Variants in ANO6 observed in about 807,000 individuals in gnomAD.
The protein encoded by ANO6 is anoctamin-6.
In ANO6, 106 loss-of-function variants were observed where a neutral mutation model predicts 117.5. The observed-to-expected ratio is 0.90, with a 90% CI of 0.77 to 1.06. The LOEUF is 1.06. Among genes scored for constraint, ANO6 ranks in the 50% least tolerant of loss-of-function variants. The pLI is 0.00. For missense variants in ANO6, 955 were observed against 1,121.1 expected, an observed-to-expected ratio of 0.85 and a Z score of 2.12; for synonymous variants, 367 against 385.1, an observed-to-expected ratio of 0.95 and a Z score of 0.55.
At chr12:45,267,883 A>G (rs1258453376) in intron 1 of ANO6, among the ~76,000 whole-genome samples, 8 of 152,344 alleles carry the variant, frequency 5.3e-5, no homozygotes, top group African/African-American at 1.4e-4. Flanking sequence ...TTTAGTGCCT[A>G]TTATTAAAAG....
At chr12:45,369,935 A>G in intron 9 of ANO6, among the ~76,000 whole-genome samples, 1 of 152,222 alleles carries the variant, frequency 6.6e-6, no homozygotes, top group Middle Eastern at 3.2e-3. Flanking sequence ...TTTAGTTATA[A>G]AATTTTGACT....
At position 45,350,664 on chromosome 12, in the gene ANO6, AT is replaced by A; in HGVS notation, c.755del (p.Phe252SerfsTer64). The stretch of plus-strand genomic sequence containing the variant: ...TGTTCCCTTCTGCGTCACAGTGCAA[AT>A]TCCGCCGTCAGTCAGAGGATCCCAG... ...KAAFPLHDCK[F>X]RRQSEDPSCP... On this transcript the variant is annotated frameshift_variant, in exon 7 of 20. Transcript: ENST00000320560. LOFTEE classifies it high-confidence loss of function. 1 of 1,613,576 alleles carries A rather than the reference AT, an allele frequency of 6.2e-7. No individual in the cohort carries two copies. Among genetic ancestry groups the A allele is most frequent in the South Asian group, 1.1e-5 (1 of 91,022 alleles).
chr12:45,228,340 A>G (rs1280490724), intron 1 of ANO6: 1 of 217,628 alleles, frequency 4.6e-6, no homozygotes, highest in East Asian at 1.6e-4. Flanking sequence ...TGGTCTCACT[A>G]TGTTGCCCAG....
chr12:45,269,050 G>T (rs918520605), intron 1 of ANO6, among the ~76,000 whole-genome samples: 3 of 152,126 alleles, frequency 2.0e-5, no homozygotes, highest in African/African-American at 7.2e-5. Context: ...AGCTAACAGC[G>T]GCAGCCTTGA....
At chr12:45,293,504 TTA>T (rs1939174575) in intron 1 of ANO6, among the ~76,000 whole-genome samples, 1 of 150,852 alleles carries the variant, frequency 6.6e-6, no homozygotes, top group East Asian at 2.0e-4. Context: ...AAATCACTCT[TTA>T]AAAAAAAAAA....
chr12:45,323,955 G>A (rs1350191812), intron 2 of ANO6, among the ~76,000 whole-genome samples: 1 of 23,094 alleles, frequency 4.3e-5, no homozygotes, highest in Non-Finnish European at 1.1e-4. Context: ...TTTTTTTTTT[G>A]AGACAGAATT....
intron 1 of ANO6, among the ~76,000 whole-genome samples, chr12:45,240,280 GCTTT>G (rs1373122153): frequency 6.7e-6 from 1 of 149,882 alleles, no homozygotes. Context: ...TTATGTAATG[GCTTT>G]CTTTGTCTCT....
intron 10 of ANO6, among the ~76,000 whole-genome samples, chr12:45,381,014 G>A (rs1942154954): frequency 6.6e-6 from 1 of 152,072 alleles, no homozygotes; most frequent in African/African-American, 2.4e-5. Flanking sequence ...TAACTTCTCT[G>A]CCTCTGTGGG....
At chr12:45,367,541 T>C in intron 8 of ANO6, 147 bp from the exon 9 acceptor site, 2 of 633,918 alleles carry the variant, frequency 3.2e-6, no homozygotes, top group East Asian at 2.8e-5. Context: ...ATGAATTTTA[T>C]GTAACAAAGT....
chr12:45,218,153 C>G (rs909239289), intron 1 of ANO6, among the ~76,000 whole-genome samples: 7 of 152,084 alleles, frequency 4.6e-5, no homozygotes, highest in African/African-American at 1.4e-4. Flanking sequence ...CTCCTCCCCA[C>G]CCTCTAGAAA....
chr12:45,355,408 A>G (rs1407998772), intron 7 of ANO6, among the ~76,000 whole-genome samples: 1 of 152,152 alleles, frequency 6.6e-6, no homozygotes, highest in East Asian at 1.9e-4. Context: ...AACCAAGCAG[A>G]GACTGCCTGA....
intron 9 of ANO6, among the ~76,000 whole-genome samples, chr12:45,372,088 A>C (rs1941857881): frequency 6.6e-6 from 1 of 152,296 alleles, no homozygotes; most frequent in Admixed American, 6.5e-5. Flanking sequence ...AGCTGATGCG[A>C]TCAACTGGAA....
At chr12:45,272,186 G>GT (rs5797936) in intron 1 of ANO6, among the ~76,000 whole-genome samples, 125,833 of 148,884 alleles carry the variant, frequency 0.85, 54,163 homozygotes, top group Non-Finnish European at 0.93. Context: ...ACCTTTTTGG[G>GT]TTTTTTTTTC....
chr12:45,238,365 G>C (rs1345801627), intron 1 of ANO6, among the ~76,000 whole-genome samples: 1 of 151,920 alleles, frequency 6.6e-6, no homozygotes, highest in Non-Finnish European at 1.5e-5. Flanking sequence ...TGGCCAGGCT[G>C]GTCTCGAACT....
rs559415253 is a variant in ANO6 at position 45,291,277 on chromosome 12, C to T, written c.71-10737C>T. On this transcript the variant is annotated intron_variant, in intron 1 of 19. Transcript: ENST00000320560. ...AGGAAAATCGCTTGAATCCAGGAGGCGGAGGTTGCGGTGAGCCAAGATCGC... is the reference window on the plus strand; with the variant it reads ...AGGAAAATCGCTTGAATCCAGGAGGTGGAGGTTGCGGTGAGCCAAGATCGC... Among the ~76,000 whole-genome samples the T allele has an allele frequency of 8.0e-5, 11 of 138,080 alleles. No homozygotes were observed. The South Asian group carries it at 1.7e-3, about 21-fold the overall frequency. 90.6% of individuals were successfully genotyped at this position (138,080 alleles called of 152,430 possible).
chr12:45,276,755 G>A (rs2137245333), intron 1 of ANO6, among the ~76,000 whole-genome samples: 1 of 152,288 alleles, frequency 6.6e-6, no homozygotes, highest in South Asian at 2.1e-4. Context: ...TCTAGCACGT[G>A]CCTGGCATAT....
intron 1 of ANO6, among the ~76,000 whole-genome samples, chr12:45,233,475 GTAT>G (rs1947603970): frequency 6.6e-6 from 1 of 152,060 alleles, no homozygotes; most frequent in South Asian, 2.1e-4. Context: ...TAATATATCT[GTAT>G]TATTGTTATA....
intron 19 of ANO6, 86 bp downstream of exon 19, chr12:45,423,148 G>T (rs1411982375): frequency 1.0e-6 from 1 of 965,580 alleles, no homozygotes; most frequent in African/African-American, 1.6e-5. Context: ...TACTTAACAT[G>T]TGTGATACTT....
At chr12:45,390,634 A>G (rs1942423225) in intron 12 of ANO6, 136 bp downstream of exon 12, 5 of 777,674 alleles carry the variant, frequency 6.4e-6, no homozygotes, top group Non-Finnish European at 1.1e-5. Flanking sequence ...AGAGACAGAC[A>G]GATATTTCCA....
Sources: allele counts gnomAD v4.1 joint callset (sites outside exome capture counted in the v4.1 genomes callset), GRCh38; gene constraint gnomAD v4.1.1; transcripts MANE v1.5; gene names NCBI Gene and HGNC (gene_info 2026-07-23, HGNC 2026-07-21).